ST8SIA5: variants seen among roughly 807,000 people sequenced by gnomAD.
ST8SIA5 encodes the protein ST8 alpha-N-acetyl-neuraminide alpha-2,8-sialyltransferase 5.
Under a neutral mutation model 40.2 loss-of-function variants are expected in ST8SIA5, and 24 were observed. The ratio of observed to expected loss-of-function variants is 0.60; its 90% CI spans 0.43 to 0.84. The LOEUF is 0.84. ST8SIA5 is among the 40% of genes least tolerant of loss of function. The pLI, the probability that ST8SIA5 is intolerant of heterozygous loss-of-function variation, is 0.00. For synonymous variants in ST8SIA5, 198 were observed against 201.8 expected, an observed-to-expected ratio of 0.98 and a Z score of 0.16; for missense variants, 465 against 498.5, an observed-to-expected ratio of 0.93 and a Z score of 0.64.
intron 1 of ST8SIA5, chr18:46,721,399 C>T: frequency 1.3e-6 from 2 of 1,536,134 alleles, no homozygotes; most frequent in Non-Finnish European, 1.7e-6. Context: ...ACTGCTGGAT[C>T]ATCCGTGACA....
intron 3 of ST8SIA5, chr18:46,691,342 T>A (rs1030954006): frequency 2.0e-5 from 3 of 152,218 alleles, no homozygotes; most frequent in Non-Finnish European, 4.4e-5. Context: ...AACAAATGAT[T>A]TATAAAGAAA....
chr18:46,725,971 A>AT lies in ST8SIA5; in HGVS notation c.132-21308_132-21307insA, dbSNP rs60180081. 4.8e-3 allele frequency among the ~76,000 whole-genome samples: 206 copies of AT among 42,556 alleles called. 4 individuals carry two copies. The highest frequency in any genetic ancestry group is 8.6e-3 in the South Asian group (8 of 928). 27.9% of individuals were successfully genotyped at this position (42,556 alleles called of 152,430 possible). ...CCCCATCTCTACTTAAAAAAAAAAAAAATATATATATATATATATATATAT... is the reference window on the plus strand; with the variant it reads ...CCCCATCTCTACTTAAAAAAAAAAAATAATATATATATATATATATATATAT... On this transcript the variant is annotated intron_variant, in intron 1 of 6. Transcript: ENST00000315087.
intron 1 of ST8SIA5, among the ~76,000 whole-genome samples, chr18:46,709,702 A>G (rs1018492144): frequency 2.6e-5 from 4 of 152,242 alleles, no homozygotes; most frequent in Non-Finnish European, 5.9e-5. Flanking sequence ...ATGATCTCCA[A>G]AAAGAATTAT....
chr18:46,753,173 C>T (rs557194888), intron 1 of ST8SIA5, among the ~76,000 whole-genome samples: 4 of 152,182 alleles, frequency 2.6e-5, no homozygotes. Flanking sequence ...CCTGCGCGCA[C>T]ACACATAGTC....
intron 1 of ST8SIA5, among the ~76,000 whole-genome samples, chr18:46,720,412 C>A (rs532070244): frequency 1.3e-4 from 20 of 152,286 alleles, no homozygotes; most frequent in Middle Eastern, 3.4e-3. Flanking sequence ...GTGCGACCAT[C>A]CCCACACCCT....
intron 5 of ST8SIA5, among the ~76,000 whole-genome samples, chr18:46,682,928 G>A (rs1428245498): frequency 6.6e-6 from 1 of 152,188 alleles, no homozygotes; most frequent in African/African-American, 2.4e-5. Context: ...CTCCAGAAAG[G>A]AATGCAGTTC....
At chr18:46,754,442 T>C (rs1238454937) in intron 1 of ST8SIA5, among the ~76,000 whole-genome samples, 1 of 152,208 alleles carries the variant, frequency 6.6e-6, no homozygotes, top group Non-Finnish European at 1.5e-5. Context: ...TGTGGCTATT[T>C]TGTTGCCCCA....
chr18:46,702,163 C>T (rs891735890), intron 2 of ST8SIA5, among the ~76,000 whole-genome samples: 1 of 128,124 alleles, frequency 7.8e-6, no homozygotes, highest in African/African-American at 2.9e-5. Flanking sequence ...AAAAAAAAAA[C>T]AGAAATTAGT....
Position 46,692,219 on chromosome 18 carries a change from G to C in ST8SIA5, c.261C>G (p.Ser87Arg). 1 of 1,614,104 alleles carries C rather than the reference G, an allele frequency of 6.2e-7. No homozygotes were observed. Residue 87 changes from serine (S) to arginine (R), a missense_variant, in exon 3 of 7, where the codon AGC becomes AGG. Ser to Arg is a moderately radical substitution (Grantham distance 110). Transcript: ENST00000315087. ...KQSELFDRWK[S>R]LQMCKWAMNI... is the part of the protein sequence containing the mutation. ...TCATCGCCCATTTGCACATCTGGAG[G>C]CTCTTCCACCTGTCGAACAGCTCTG...
intron 3 of ST8SIA5, among the ~76,000 whole-genome samples, chr18:46,690,332 G>A (rs1568252692): frequency 6.6e-6 from 1 of 152,220 alleles, no homozygotes; most frequent in South Asian, 2.1e-4. Context: ...CTGCCAGCCT[G>A]AATGAAGCAT....
chr18:46,718,312 G>A (rs62097205), intron 1 of ST8SIA5, among the ~76,000 whole-genome samples: 23,297 of 143,960 alleles, frequency 0.16, 1,933 homozygotes, highest in South Asian at 0.23. Context: ...CCTGAGCAAT[G>A]GAGTGAAACT....
intron 1 of ST8SIA5, among the ~76,000 whole-genome samples, chr18:46,750,769 C>A (rs2040188237): frequency 6.6e-6 from 1 of 152,130 alleles, no homozygotes. Context: ...CTCTCTCGAC[C>A]CCTTATAGGT....
chr18:46,680,033 T>A lies in ST8SIA5; in HGVS notation c.*9A>T, dbSNP rs1179660363. Reference sequence around the variant, plus strand: ...GGCGCCGCTTGCCGGGCAGCCTGGCTGGCAGCCATCAGCAGCAGCTGCAGG... The same window carrying A: ...GGCGCCGCTTGCCGGGCAGCCTGGCAGGCAGCCATCAGCAGCAGCTGCAGG... On this transcript the variant is annotated 3_prime_UTR_variant, in exon 7 of 7. Coordinates refer to ENST00000315087, the MANE Select transcript of ST8SIA5 (RefSeq NM_013305.6). 9.4e-6 allele frequency: 15 copies of A among 1,594,288 alleles called. No homozygotes were observed. The highest frequency in any genetic ancestry group is 1.3e-5 in the Non-Finnish European group (15 of 1,168,514).
intron 3 of ST8SIA5, among the ~76,000 whole-genome samples, chr18:46,690,277 C>A (rs375315184): frequency 3.9e-5 from 6 of 152,182 alleles, no homozygotes; most frequent in Admixed American, 3.3e-4. Context: ...AAGCTCATGC[C>A]TGCCTTCTAG....
chr18:46,685,121 G>A (rs1344895979), intron 5 of ST8SIA5, among the ~76,000 whole-genome samples: 1 of 152,210 alleles, frequency 6.6e-6, no homozygotes, highest in Non-Finnish European at 1.5e-5. Flanking sequence ...CCATTTTGCA[G>A]ATGAGGAAAC....
At chr18:46,718,872 C>G (rs1294869134) in intron 1 of ST8SIA5, among the ~76,000 whole-genome samples, 1 of 152,166 alleles carries the variant, frequency 6.6e-6, no homozygotes, top group Admixed American at 6.5e-5. Flanking sequence ...GGACAATGTA[C>G]GTCGTGTCCT....
At chr18:46,682,666 T>A (rs2039409608) in intron 5 of ST8SIA5, among the ~76,000 whole-genome samples, 2 of 152,322 alleles carry the variant, frequency 1.3e-5, no homozygotes, top group Non-Finnish European at 2.9e-5. Flanking sequence ...CAGAAGGGAC[T>A]CTGCAGCTGC....
intron 1 of ST8SIA5, among the ~76,000 whole-genome samples, chr18:46,724,772 G>A (rs556477476): frequency 1.3e-5 from 2 of 152,160 alleles, no homozygotes; most frequent in South Asian, 2.1e-4. Context: ...TCAGGAGTTC[G>A]AGACCAGCCT....
chr18:46,756,244 C>T (rs1218116719), intron 1 of ST8SIA5, 134 bp downstream of exon 1: 184 of 1,296,754 alleles, frequency 1.4e-4, no homozygotes, highest in South Asian at 1.6e-5. Flanking sequence ...GCCTAAGCGG[C>T]CATGCTCGGG....
Sources: gnomAD v4.1 joint callset for allele counts (sites outside exome capture counted in the v4.1 genomes callset) on GRCh38, gnomAD v4.1.1 for gene constraint, MANE v1.5 for transcripts, NCBI Gene and HGNC (gene_info 2026-07-23, HGNC 2026-07-21) for gene names.